Variants in DGKH observed in about 807,000 individuals in gnomAD.
The protein encoded by DGKH is DAG kinase eta.
DGKH carries 90 observed loss-of-function variants against 159.3 expected under a neutral mutation model. That is an observed-to-expected ratio of 0.57 (90% CI 0.48 to 0.67). The LOEUF (loss-of-function observed/expected upper bound fraction) is 0.67, where lower values mean the gene tolerates loss of function less well. DGKH is among the 30% of genes least tolerant of loss of function. DGKH has a pLI of 0.00. For synonymous variants in DGKH, 536 were observed against 553.8 expected (o/e 0.97, Z 0.45); for missense variants, 1,181 against 1,506.1 (o/e 0.78, Z 3.57).
In DGKH at chr13:42,127,646, T is replaced by C; in HGVS notation, c.303+73T>C. On this transcript the variant is annotated intron_variant, in intron 2 of 29. Transcript: ENST00000337343. ...TGTAAAATTTTGGTTCTGTAAGCTG[T>C]TTTTGTCTTGGAAGCGCACTGTAGC... The C allele has an allele frequency of 4.0e-6, 5 of 1,240,978 alleles. 1 individual carries two copies. The South Asian group carries it at 5.0e-5, about 12-fold the overall frequency. The allele number at this position is 1,240,978 out of a possible 1,614,324, so 76.9% of individuals were successfully genotyped here.
intron 17 of DGKH, 126 bp downstream of exon 17, chr13:42,195,142 T>C: frequency 2.4e-6 from 3 of 1,268,704 alleles, no homozygotes; most frequent in Non-Finnish European, 3.2e-6. Context: ...GTTCTTGTTA[T>C]ACTTTCAGTC....
Position 42,209,040 on chromosome 13 carries a change from G to A in DGKH, c.2683G>A (p.Val895Ile). Residue 895 changes from valine (V) to isoleucine (I), a missense_variant, in exon 22 of 30, where the codon GTC becomes ATC. Coordinates refer to ENST00000337343, the MANE Select transcript of DGKH (RefSeq NM_178009.5). ...FDSMQMAVSR[V>I]IKLQHHRIAQ... ...TAGCATGCAAATGGCAGTTTCAAGG[G>A]TCATTAAACTGCAGCATCATCGAAT... 6.2e-7 allele frequency: 1 copy of A among 1,611,628 alleles called. No homozygotes were observed. Among genetic ancestry groups the A allele is most frequent in the East Asian group, 2.2e-5 (1 of 44,710 alleles).
chr13:42,108,818 G>A (rs923734652), intron 1 of DGKH, among the ~76,000 whole-genome samples: 1 of 152,000 alleles, frequency 6.6e-6, no homozygotes, highest in East Asian at 1.9e-4. Context: ...CTGAAAAGGA[G>A]GGAGTGGAAG....
chr13:42,245,595 T>G (rs1290244368), downstream of DGKH, among the ~76,000 whole-genome samples: 2 of 151,644 alleles, frequency 1.3e-5, no homozygotes, highest in Non-Finnish European at 2.9e-5. Context: ...ATACTTTTGT[T>G]TTTTTTTTGA....
intron 1 of DGKH, among the ~76,000 whole-genome samples, chr13:42,123,906 G>A (rs530078086): frequency 6.6e-6 from 1 of 152,196 alleles, no homozygotes; most frequent in African/African-American, 2.4e-5. Flanking sequence ...ATTATAAAGG[G>A]ATGCAAGGAA....
chr13:42,178,909 T>A (rs1956674343), intron 13 of DGKH, among the ~76,000 whole-genome samples: 1 of 152,126 alleles, frequency 6.6e-6, no homozygotes, highest in South Asian at 2.1e-4. Flanking sequence ...GTTACTGTTA[T>A]GCAGGAAGAG....
In DGKH at chr13:42,127,524, G is replaced by A. The variant is rs201753254; in HGVS notation, c.254G>A (p.Arg85Gln). ...AGTTCTTTCCAAAGGTGGAAAAAGC[G>A]ATACTTCAAACTTCGAGGCCGCACC... ...QTSSFQRWKK[R>Q]YFKLRGRTLY... is the part of the protein sequence containing the mutation. The change falls in exon 2 of 30, where the codon CGA becomes CAA. Residue 85 changes from arginine (R) to glutamine (Q), a missense_variant. Arg to Gln is a conservative substitution (Grantham distance 43). Around this residue, in one of 5 missense-constraint regions of DGKH, gnomAD observed 136 missense variants for 132.2 expected, o/e 1.03. Coordinates refer to ENST00000337343, the MANE Select transcript of DGKH (RefSeq NM_178009.5). 5.0e-6 allele frequency: 8 copies of A among 1,613,658 alleles called. No individual in the cohort carries two copies. Among genetic ancestry groups the A allele is most frequent in the Middle Eastern group, 1.6e-4 (1 of 6,084 alleles).
At chr13:42,134,383 A>G (rs1955356777) in intron 3 of DGKH, among the ~76,000 whole-genome samples, 1 of 152,014 alleles carries the variant, frequency 6.6e-6, no homozygotes, top group African/African-American at 2.4e-5. Flanking sequence ...GCAGTCTCTC[A>G]CTCCCATCTC....
chr13:42,247,209 C>T (rs188410604), downstream of DGKH, among the ~76,000 whole-genome samples: 1 of 149,644 alleles, frequency 6.7e-6, no homozygotes, highest in Non-Finnish European at 1.5e-5. Context: ...TTGGTTTATA[C>T]ATTTCCTACA....
intron 29 of DGKH, among the ~76,000 whole-genome samples, chr13:42,251,838 C>G (rs907794900): frequency 1.3e-5 from 2 of 152,200 alleles, no homozygotes; most frequent in African/African-American, 2.4e-5. Flanking sequence ...ACATACCCCC[C>G]ACTAAAGCAA....
At chr13:42,124,352 C>T (rs1210924177) in intron 1 of DGKH, among the ~76,000 whole-genome samples, 1 of 151,882 alleles carries the variant, frequency 6.6e-6, no homozygotes, top group Non-Finnish European at 1.5e-5. Flanking sequence ...ATGTTTTTCC[C>T]CTTTTTAAAA....
chr13:42,120,698 A>G (rs1423872242), intron 1 of DGKH, among the ~76,000 whole-genome samples: 4 of 152,232 alleles, frequency 2.6e-5, no homozygotes, highest in Non-Finnish European at 1.5e-5. Context: ...TATTTAAAAA[A>G]CAACCACCAA....
chr13:42,143,394 C>T (rs1339784081), intron 3 of DGKH, among the ~76,000 whole-genome samples: 1 of 152,122 alleles, frequency 6.6e-6, no homozygotes, highest in Non-Finnish European at 1.5e-5. Context: ...GCTTTAGTAT[C>T]AGGATGATGC....
chr13:42,187,183 T>C, intron 14 of DGKH, 35 bp downstream of exon 14: 2 of 1,530,392 alleles, frequency 1.3e-6, no homozygotes, highest in Non-Finnish European at 9.1e-7. Flanking sequence ...GAGAGTTGTT[T>C]ATGGACAATG....
chr13:42,128,118 A>G (rs1955209168), intron 2 of DGKH, among the ~76,000 whole-genome samples: 1 of 152,230 alleles, frequency 6.6e-6, no homozygotes, highest in Non-Finnish European at 1.5e-5. Context: ...TCACTCCAGT[A>G]TGCTAGCAAT....
At chr13:42,107,390 A>G (rs1954780311) in intron 1 of DGKH, among the ~76,000 whole-genome samples, 1 of 152,220 alleles carries the variant, frequency 6.6e-6, no homozygotes, top group Non-Finnish European at 1.5e-5. Context: ...TGATGTTTCA[A>G]GAGGGTGAAG....
chr13:42,051,913 C>T (rs1881349502), intron 1 of DGKH, among the ~76,000 whole-genome samples: 1 of 152,110 alleles, frequency 6.6e-6, no homozygotes, highest in Non-Finnish European at 1.5e-5. Context: ...GATCTGCCCA[C>T]CTTGGCTTCC....
chr13:42,167,460 G>A (rs1299331762), intron 9 of DGKH, among the ~76,000 whole-genome samples: 1 of 152,128 alleles, frequency 6.6e-6, no homozygotes, highest in Non-Finnish European at 1.5e-5. Context: ...ACTTTCCTCT[G>A]TCTTCTCTAT....
In DGKH at chr13:42,230,432, A is replaced by G. The variant is rs1322821536; in HGVS notation, c.*1244A>G. On this transcript the variant is annotated 3_prime_UTR_variant, in exon 30 of 30. Coordinates refer to ENST00000337343, the MANE Select transcript of DGKH (RefSeq NM_178009.5). Reference sequence around the variant, plus strand: ...AAACCACTGTACTTCAGTGTAGCTTATTATTAGAAGTCAACATTACAATGA... The same window carrying G: ...AAACCACTGTACTTCAGTGTAGCTTGTTATTAGAAGTCAACATTACAATGA... 6.6e-6 allele frequency: 1 copy of G among 152,160 alleles called. No homozygotes were observed. The highest frequency in any genetic ancestry group is 1.5e-5 in the Non-Finnish European group (1 of 68,020). 9.4% of individuals were successfully genotyped at this position (152,160 alleles called of 1,614,324 possible). A position where few individuals can be genotyped will look rare whatever the true frequency, so the allele number is the denominator to read the frequency against.
Sources: gnomAD v4.1 joint callset for allele counts (sites outside exome capture counted in the v4.1 genomes callset) on GRCh38, gnomAD v4.1.1 for gene constraint, gnomAD v4.1.1 regional missense constraint, MANE v1.5 for transcripts, NCBI Gene and HGNC (gene_info 2026-07-23, HGNC 2026-07-21) for gene names.